PTCH2: variants seen among roughly 807,000 people sequenced by gnomAD.
PTCH2 encodes the protein patched 2, also known as protein patched homolog 2.
Under a neutral mutation model 117.9 loss-of-function variants are expected in PTCH2, and 96 were observed. The observed-to-expected ratio is 0.81, with a 90% CI of 0.69 to 0.96. The LOEUF is 0.96. Among genes scored for constraint, PTCH2 ranks in the 50% least tolerant of loss-of-function variants. The pLI is 0.00. For synonymous variants in PTCH2, 615 were observed against 660.9 expected (o/e 0.93, Z 1.06); for missense variants, 1,379 against 1,562.5 (o/e 0.88, Z 1.98).
At chr1:44,830,103 T>C in intron 6 of PTCH2, 73 bp from the exon 7 acceptor site, 1 of 1,583,196 alleles carries the variant, frequency 6.3e-7, no homozygotes, top group South Asian at 1.1e-5. Flanking sequence ...GGCTTCCACC[T>C]CCAGGAACCA....
In PTCH2 at chr1:44,823,287, C is replaced by T. The variant is rs1366065959; in HGVS notation, c.3213G>A (p.Leu1071=). ...GGGAACCAGCAAGCATGAGCAGACC[C>T]AGCAATGTGGAGATGGCCCCATCGG... ...PVTDGAISTL[L]GLLMLAGSHF... is the part of the protein sequence containing the mutation. The change falls in exon 20 of 22, where the codon CTG becomes CTA. Residue 1071 remains leucine, a synonymous_variant. Coordinates refer to ENST00000372192, the MANE Select transcript of PTCH2 (RefSeq NM_003738.5). This position sits in a 1 kb window ranked among gnomAD's most constrained non-coding sequence, Gnocchi z 5.1. The T allele has an allele frequency of 1.2e-6, 2 of 1,614,118 alleles. No individual in the cohort carries two copies. Among genetic ancestry groups the T allele is most frequent in the Non-Finnish European group, 8.5e-7 (1 of 1,180,046 alleles).
intron 2 of PTCH2, among the ~76,000 whole-genome samples, chr1:44,837,289 C>T (rs1404595010): frequency 6.6e-6 from 1 of 151,982 alleles, no homozygotes; most frequent in Non-Finnish European, 1.5e-5. Flanking sequence ...CAGAGTCTTG[C>T]TGTTACCCAG....
In PTCH2 at chr1:44,826,913, T is replaced by TC; in HGVS notation, c.2683dup (p.Glu895GlyfsTer137). The TC allele has an allele frequency of 6.2e-7, 1 of 1,613,874 alleles. No individual in the cohort carries two copies. ...CCCCCAAGACTCACTGCGAAGGTTC[T>TC]CCCCCGTGGTGTCGTATTTGTCGTG... On this transcript the variant is annotated frameshift_variant, in exon 17 of 22. Transcript: ENST00000372192. LOFTEE classifies it high-confidence loss of function. The surrounding 1 kb of genome is among the most constrained non-coding windows in gnomAD (Gnocchi z 5.1).
At chr1:44,838,839 C>T (rs1653803159) in intron 2 of PTCH2, among the ~76,000 whole-genome samples, 1 of 152,080 alleles carries the variant, frequency 6.6e-6, no homozygotes, top group Non-Finnish European at 1.5e-5. Context: ...CCTGCCTCAG[C>T]CTCTGGAGTA....
chr1:44,827,385 GTC>G lies in PTCH2; in HGVS notation c.2371+15_2371+16del, dbSNP rs1328231744. On this transcript the variant is annotated intron_variant, in intron 15 of 21. Coordinates refer to ENST00000372192, the MANE Select transcript of PTCH2 (RefSeq NM_003738.5). ...CTCCCTGCAGCACCCCTCCCTGCCC[GTC>G]TCCTCGCCTCTCACCCTGTAGCCAG... 1.2e-6 allele frequency: 2 copies of G among 1,613,646 alleles called. No individual in the cohort carries two copies. The highest frequency in any genetic ancestry group is 1.3e-5 in the African/African-American group (1 of 74,896).
intron 19 of PTCH2, among the ~76,000 whole-genome samples, chr1:44,824,329 GA>G (rs1227713316): frequency 6.6e-6 from 1 of 152,142 alleles, no homozygotes; most frequent in African/African-American, 2.4e-5. Context: ...TTGGTGGGGG[GA>G]AAGGAAGGGA....
chr1:44,828,832 C>T (rs1315409487), intron 11 of PTCH2, 150 bp downstream of exon 11: 9 of 1,170,154 alleles, frequency 7.7e-6, no homozygotes, highest in African/African-American at 3.1e-5. Flanking sequence ...CAAACAATAA[C>T]CCTTAGGACA....
chr1:44,841,797 G>A, intron 2 of PTCH2, 50 bp downstream of exon 2: 1 of 1,600,788 alleles, frequency 6.2e-7, no homozygotes, highest in Non-Finnish European at 8.6e-7. Flanking sequence ...CCCCGTTCTT[G>A]TCTTGGGCTC....
chr1:44,834,594 G>T (rs1288551326), intron 2 of PTCH2, among the ~76,000 whole-genome samples: 2 of 152,210 alleles, frequency 1.3e-5, no homozygotes, highest in African/African-American at 4.8e-5. Flanking sequence ...GGAGGAGGAA[G>T]GAACCCAGAG....
chr1:44,831,139 T>G lies in PTCH2; in HGVS notation c.618-96A>C. ...CATGCTGTACCCCACCCTCCTCTTA[T>G]CTGCCGATTTGTCCTTCCATATGGA... On this transcript the variant is annotated intron_variant, in intron 5 of 21. Transcript: ENST00000372192. This position sits in a 1 kb window ranked among gnomAD's most constrained non-coding sequence, Gnocchi z 4.3. 1.6e-6 allele frequency: 2 copies of G among 1,247,660 alleles called. No homozygotes were observed. The highest frequency in any genetic ancestry group is 1.1e-6 in the Non-Finnish European group (1 of 889,742). 77.3% of individuals were successfully genotyped at this position (1,247,660 alleles called of 1,614,324 possible).
rs11573576 is a variant in PTCH2, at chr1:44,830,974, G to C, written c.687C>G (p.Ala229=). 3 of 1,612,532 alleles carry C rather than the reference G, an allele frequency of 1.9e-6. No homozygotes were observed. The highest frequency in any genetic ancestry group is 2.5e-6 in the Non-Finnish European group (3 of 1,179,286). Residue 229 remains alanine (A), a synonymous_variant, in exon 6 of 22, where the codon GCC becomes GCG. Coordinates refer to ENST00000372192, the MANE Select transcript of PTCH2 (RefSeq NM_003738.5). The stretch of plus-strand genomic sequence containing the variant: ...GCAGCTCCCGGAAGCCCTCAAGGGA[G>C]GCAAAGGGACCCAGCTCCTCCAGCA... ...EQLLEELGPF[A]SLEGFRELLD...
rs1169562792 is a variant in PTCH2, at chr1:44,826,990, C to T, written c.2607G>A (p.Leu869=). Residue 869 remains leucine (L), a synonymous_variant, in exon 17 of 22, where the codon CTG becomes CTA. Coordinates refer to ENST00000372192, the MANE Select transcript of PTCH2 (RefSeq NM_003738.5). This position sits in a 1 kb window ranked among gnomAD's most constrained non-coding sequence, Gnocchi z 5.1. ...AGTTGGCCTGTGAGGCTGCCAGACC[C>T]AGGGGGTCACTGCTCACCCACACGG... ...GLTVWVSSDP[L]GLAASQANFY... 2 of 1,613,940 alleles carry T rather than the reference C, an allele frequency of 1.2e-6. No homozygotes were observed. Among genetic ancestry groups the T allele is most frequent in the South Asian group, 1.1e-5 (1 of 91,082 alleles).
chr1:44,832,417 C>T, intron 2 of PTCH2, 76 bp from the exon 3 acceptor site: 2 of 1,458,310 alleles, frequency 1.4e-6, no homozygotes, highest in Non-Finnish European at 1.9e-6. Flanking sequence ...GCTTCTAACT[C>T]TGAGGCCTCC....
At chr1:44,828,447 G>T in intron 12 of PTCH2, 33 bp from the exon 13 acceptor site, 1 of 1,614,130 alleles carries the variant, frequency 6.2e-7, no homozygotes, top group Non-Finnish European at 8.5e-7. Context: ...ATGAAGGCTG[G>T]ATGAAGCTTG....
At position 44,827,846 on chromosome 1, in the gene PTCH2, A is replaced by G. The variant is rs7525308; in HGVS notation, c.2055T>C (p.Ala685=). The change falls in exon 14 of 22, where the codon GCT becomes GCC. Residue 685 remains alanine, a synonymous_variant. Coordinates refer to ENST00000372192, the MANE Select transcript of PTCH2 (RefSeq NM_003738.5). ...GCCCTGCTCTGCCCAGTCTTACCTT[A>G]GCATGTGACTGGAGCAGCAACGGGG... The part of the protein sequence containing the change: ...QFAPLLLQSH[A]KAIVLVLFGA... 0.37 allele frequency: 598,717 copies of G among 1,613,718 alleles called. 114,588 individuals carry two copies. Among genetic ancestry groups the G allele is most frequent in the African/African-American group, 0.59 (44,364 of 75,010 alleles).
intron 6 of PTCH2, among the ~76,000 whole-genome samples, chr1:44,830,609 T>TAAAAAAAAAAAAAAAAAA: frequency 1.2e-5 from 1 of 84,820 alleles, no homozygotes. Flanking sequence ...AAAAAAGAAG[T>TAAAAAAAAAAAAAAAAAA]CCAGCCTTAT....
Position 44,832,314 on chromosome 1 carries a change from T to C in PTCH2, c.293A>G (p.His98Arg). The change falls in exon 3 of 22, where the codon CAT (histidine) becomes CGT (arginine). Residue 98 changes from histidine to arginine, a missense_variant. Physicochemically the swap from His to Arg is conservative, Grantham distance 29. Coordinates refer to ENST00000372192, the MANE Select transcript of PTCH2 (RefSeq NM_003738.5). ...EVGSRVSQELHYTKEKLGEEA... is the reference protein window; with the variant it reads ...EVGSRVSQELRYTKEKLGEEA... ...CTCCCCCAGCTTCTCCTTGGTGTAA[T>C]GCAGCTCCTGGCTCACCCGGCTGCC... 6.2e-7 allele frequency: 1 copy of C among 1,614,206 alleles called. No individual in the cohort carries two copies. Among genetic ancestry groups the C allele is most frequent in the Non-Finnish European group, 8.5e-7 (1 of 1,180,038 alleles).
intron 2 of PTCH2, among the ~76,000 whole-genome samples, chr1:44,835,583 T>C (rs1189028676): frequency 1.3e-5 from 2 of 152,154 alleles, no homozygotes; most frequent in Non-Finnish European, 1.5e-5. Context: ...GAAAGCAACA[T>C]TGCAATATAT....
At chr1:44,829,788 G>A (rs1212701100) in intron 7 of PTCH2, 27 bp from the exon 8 acceptor site, 1 of 1,614,166 alleles carries the variant, frequency 6.2e-7, no homozygotes, top group Admixed American at 1.7e-5. Context: ...AGAACCAGGG[G>A]TCAGAGCTGG....
Sources: gnomAD v4.1 joint callset for allele counts (sites outside exome capture counted in the v4.1 genomes callset) on GRCh38, gnomAD v4.1.1 for gene constraint, Gnocchi (gnomAD v3.1) non-coding constraint, MANE v1.5 for transcripts, NCBI Gene and HGNC (gene_info 2026-07-23, HGNC 2026-07-21) for gene names.